Variants in GOLPH3L observed in about 807,000 individuals in gnomAD.
GOLPH3L encodes golgi phosphoprotein 3 like.
A neutral mutation model predicts 30.3 loss-of-function variants in GOLPH3L; 22 were observed. That is an observed-to-expected ratio of 0.73 (90% CI 0.52 to 1.04). The LOEUF is 1.04. Among genes scored for constraint, GOLPH3L ranks in the 50% least tolerant of loss-of-function variants. GOLPH3L has a pLI of 0.00. For synonymous variants in GOLPH3L, 120 were observed against 128.2 expected (o/e 0.94, Z 0.43); for missense variants, 303 against 345.8 (o/e 0.88, Z 0.98).
In GOLPH3L at chr1:150,648,758, A is replaced by G; in HGVS notation, c.431-10T>C. 6.4e-7 allele frequency: 1 copy of G among 1,568,132 alleles called. No homozygotes were observed. Among genetic ancestry groups the G allele is most frequent in the Non-Finnish European group, 8.8e-7 (1 of 1,140,920 alleles). On this transcript the variant is annotated splice_polypyrimidine_tract_variant and intron_variant, in intron 4 of 4. Transcript: ENST00000271732. ...GGGTTCCAGGTCTCACCTATGAGAAAAAAGAAATAGGACATAATGAACTGA... is the reference window on the plus strand; with the variant it reads ...GGGTTCCAGGTCTCACCTATGAGAAGAAAGAAATAGGACATAATGAACTGA...
chr1:150,689,028 T>A (rs1651152251), intron 2 of GOLPH3L, among the ~76,000 whole-genome samples: 2 of 152,090 alleles, frequency 1.3e-5, no homozygotes, highest in African/African-American at 4.8e-5. Context: ...GTTCTCTCTT[T>A]CTATGACATA....
chr1:150,646,699 T>G lies in GOLPH3L; in HGVS notation c.*1622A>C, dbSNP rs111779351. On this transcript the variant is annotated 3_prime_UTR_variant, in exon 5 of 5. Coordinates refer to ENST00000271732, the MANE Select transcript of GOLPH3L (RefSeq NM_018178.6). ...GGAGAGAAATGAATAAATAATTCAT[T>G]TAATTATTTCTAATCAAGAGGATTT... 6.6e-6 allele frequency: 1 copy of G among 152,216 alleles called. No individual in the cohort carries two copies. The highest frequency in any genetic ancestry group is 2.4e-5 in the African/African-American group (1 of 41,452). 9.4% of individuals were successfully genotyped at this position (152,216 alleles called of 1,614,324 possible).
intron 4 of GOLPH3L, among the ~76,000 whole-genome samples, chr1:150,653,389 G>A (rs1208243414): frequency 2.0e-5 from 3 of 149,744 alleles, no homozygotes; most frequent in Admixed American, 6.7e-5. Flanking sequence ...GCTGCCTGCC[G>A]GGTTCAAGTG....
chr1:150,667,391 T>C (rs923645626), intron 2 of GOLPH3L, among the ~76,000 whole-genome samples: 4 of 152,144 alleles, frequency 2.6e-5, no homozygotes, highest in African/African-American at 7.2e-5. Context: ...TCAAGTGTAA[T>C]GATATAACTC....
chr1:150,665,505 A>T (rs1650479401), intron 2 of GOLPH3L, among the ~76,000 whole-genome samples: 1 of 152,140 alleles, frequency 6.6e-6, no homozygotes, highest in Non-Finnish European at 1.5e-5. Context: ...ATAACTATTT[A>T]AAAAATTTTT....
intron 2 of GOLPH3L, among the ~76,000 whole-genome samples, chr1:150,682,771 A>C (rs992075155): frequency 1.3e-5 from 2 of 152,144 alleles, no homozygotes; most frequent in Non-Finnish European, 2.9e-5. Context: ...CTAACTAAAA[A>C]AGAAAACAAA....
chr1:150,666,236 ATTTTC>A (rs1303747315), intron 2 of GOLPH3L, among the ~76,000 whole-genome samples: 1 of 151,596 alleles, frequency 6.6e-6, no homozygotes, highest in Non-Finnish European at 1.5e-5. Context: ...GCTCTCCTTT[ATTTTC>A]TTTTTTCTTT....
chr1:150,679,369 A>T lies in GOLPH3L; in HGVS notation c.183+15287T>A, dbSNP rs1269099239. 1.1e-4 allele frequency among the ~76,000 whole-genome samples: 16 copies of T among 152,352 alleles called. 1 individual carries two copies. The South Asian group carries it at 2.9e-3, about 28-fold the overall frequency. ...AAATTCTAGATTAAAGTTGAAAATG[A>T]AATCTAGAATTTAGTCTTCTGGCAG... On this transcript the variant is annotated intron_variant, in intron 2 of 4. Coordinates refer to ENST00000271732, the MANE Select transcript of GOLPH3L (RefSeq NM_018178.6).
intron 2 of GOLPH3L, among the ~76,000 whole-genome samples, chr1:150,671,697 C>T (rs1184055440): frequency 2.7e-5 from 4 of 147,900 alleles, no homozygotes; most frequent in Admixed American, 1.4e-4. Context: ...CCCAGCTATT[C>T]GGGAGGCTGA....
chr1:150,666,394 G>A (rs1308075533), intron 2 of GOLPH3L, among the ~76,000 whole-genome samples: 1 of 152,094 alleles, frequency 6.6e-6, no homozygotes, highest in Non-Finnish European at 1.5e-5. Context: ...ACCCAGGCTG[G>A]AGTGCAATGG....
intron 2 of GOLPH3L, among the ~76,000 whole-genome samples, chr1:150,687,742 C>T (rs1651120017): frequency 6.6e-6 from 1 of 152,046 alleles, no homozygotes; most frequent in Admixed American, 6.6e-5. Context: ...ATTAAAAATA[C>T]ATATGAATTT....
At chr1:150,667,970 C>T (rs1389885845) in intron 2 of GOLPH3L, among the ~76,000 whole-genome samples, 1 of 152,146 alleles carries the variant, frequency 6.6e-6, no homozygotes, top group African/African-American at 2.4e-5. Flanking sequence ...CAATATTCTT[C>T]CTTCCAAAAC....
At chr1:150,670,339 T>C (rs931425122) in intron 2 of GOLPH3L, among the ~76,000 whole-genome samples, 12 of 152,174 alleles carry the variant, frequency 7.9e-5, no homozygotes, top group Non-Finnish European at 1.3e-4. Context: ...GGCTCACGCC[T>C]GTAATCCCAG....
intron 2 of GOLPH3L, among the ~76,000 whole-genome samples, chr1:150,691,789 TTG>T (rs1651220353): frequency 1.3e-5 from 2 of 152,188 alleles, no homozygotes; most frequent in Admixed American, 1.3e-4. Flanking sequence ...ATGTATATTT[TTG>T]TGTTTGGCTT....
chr1:150,676,052 T>C (rs1484204188), intron 2 of GOLPH3L, among the ~76,000 whole-genome samples: 3 of 151,462 alleles, frequency 2.0e-5, no homozygotes, highest in African/African-American at 7.3e-5. Context: ...TGGCTCACTG[T>C]AGCCCCAACC....
At chr1:150,691,663 A>G (rs1651216744) in intron 2 of GOLPH3L, among the ~76,000 whole-genome samples, 1 of 152,094 alleles carries the variant, frequency 6.6e-6, no homozygotes, top group African/African-American at 2.4e-5. Flanking sequence ...AAAGATAATC[A>G]CTATTCTAAA....
At chr1:150,683,980 T>C (rs1651025825) in intron 2 of GOLPH3L, among the ~76,000 whole-genome samples, 1 of 152,144 alleles carries the variant, frequency 6.6e-6, no homozygotes, top group African/African-American at 2.4e-5. Flanking sequence ...CATCTGTCTT[T>C]GAAGATAGGG....
intron 2 of GOLPH3L, 113 bp downstream of exon 2, chr1:150,694,543 A>G: frequency 1.6e-6 from 1 of 637,480 alleles, no homozygotes. Flanking sequence ...CCAGATGGTT[A>G]GAGCACAATT....
chr1:150,655,896 TAGA>T, intron 4 of GOLPH3L, among the ~76,000 whole-genome samples: 1 of 152,258 alleles, frequency 6.6e-6, no homozygotes, highest in Non-Finnish European at 1.5e-5. Context: ...TTAATAGTTA[TAGA>T]TTTAAAAGAC....
Sources: allele counts gnomAD v4.1 joint callset (sites outside exome capture counted in the v4.1 genomes callset), GRCh38; gene constraint gnomAD v4.1.1; transcripts MANE v1.5; gene names NCBI Gene and HGNC (gene_info 2026-07-23, HGNC 2026-07-21).